Variants in GRIN2B observed in about 807,000 individuals in gnomAD.
GRIN2B encodes glutamate ionotropic receptor NMDA type subunit 2B.
GRIN2B carries 5 observed loss-of-function variants against 114.5 expected under a neutral mutation model. That is an observed-to-expected ratio of 0.04 (90% confidence interval 0.02 to 0.09). The LOEUF (loss-of-function observed/expected upper bound fraction) is 0.09. Ranked by LOEUF, GRIN2B falls within the 10% of genes least tolerant of loss-of-function variation. The probability of loss-of-function intolerance (pLI) is 1.00; values close to 1 mark genes in which losing one functional copy is unlikely to be tolerated. For synonymous variants in GRIN2B, 787 were observed against 745.1 expected (o/e 1.06, Z -0.92); for missense variants, 1,108 against 1,943.5 (o/e 0.57, Z 8.08).
chr12:13,867,479 A>G (rs762971517), intron 2 of GRIN2B, among the ~76,000 whole-genome samples: 5 of 152,176 alleles, frequency 3.3e-5, no homozygotes, highest in Non-Finnish European at 7.3e-5. Flanking sequence ...TGGCTACACT[A>G]AAAAGCCCAG....
At chr12:13,892,330 T>C (rs1301442682) in intron 2 of GRIN2B, among the ~76,000 whole-genome samples, 1 of 152,246 alleles carries the variant, frequency 6.6e-6, no homozygotes, top group Non-Finnish European at 1.5e-5. Context: ...ATTTTATGCT[T>C]ATATGTCAAA....
upstream of GRIN2B, chr12:13,982,020 A>ACCCCC (rs1371609379): frequency 6.8e-6 from 1 of 147,234 alleles, no homozygotes; most frequent in Admixed American, 6.7e-5. Context: ...CTTTCTCCAC[A>ACCCCC]CCCCCCACCC....
At chr12:13,955,794 G>C (rs762291784) in intron 2 of GRIN2B, among the ~76,000 whole-genome samples, 11 of 152,112 alleles carry the variant, frequency 7.2e-5, no homozygotes, top group African/African-American at 1.2e-4. Context: ...AAGACACAAA[G>C]AGCCATCCCA....
intron 2 of GRIN2B, among the ~76,000 whole-genome samples, chr12:13,918,773 G>A (rs1485988951): frequency 6.6e-6 from 1 of 152,202 alleles, no homozygotes; most frequent in African/African-American, 2.4e-5. Context: ...TTTTTATACA[G>A]TAGTTGTAGT....
intron 3 of GRIN2B, among the ~76,000 whole-genome samples, chr12:13,772,340 C>T (rs1286065974): frequency 1.3e-5 from 2 of 152,146 alleles, no homozygotes; most frequent in African/African-American, 2.4e-5. Flanking sequence ...TAGGCTTGTC[C>T]ACTCTGAGTT....
At position 13,564,001 on chromosome 12, in the gene GRIN2B, C is replaced by G. The variant is rs370532796; in HGVS notation, c.3237G>C (p.Lys1079Asn). ...TGTCCTTATATTGCTGCTTACGCCTCTTGGCGGCATTGCCCTCGATGTTCC... is the reference window on the plus strand; with the variant it reads ...TGTCCTTATATTGCTGCTTACGCCTGTTGGCGGCATTGCCCTCGATGTTCC... Reference protein sequence around the residue: ...TYGNIEGNAAKRRKQQYKDSL... With the variant: ...TYGNIEGNAANRRKQQYKDSL... Residue 1079 changes from lysine to asparagine, a missense_variant, in exon 14 of 14, where the codon AAG becomes AAC. Coordinates refer to ENST00000609686, the MANE Select transcript of GRIN2B (RefSeq NM_000834.5). The surrounding 1 kb of genome is among the most constrained non-coding windows in gnomAD (Gnocchi z 4.8). 1.9e-6 allele frequency: 3 copies of G among 1,614,248 alleles called. No homozygotes were observed. The highest frequency in any genetic ancestry group is 2.5e-6 in the Non-Finnish European group (3 of 1,180,044).
At chr12:13,657,494 A>C (rs1471057725) in intron 5 of GRIN2B, among the ~76,000 whole-genome samples, 1 of 152,222 alleles carries the variant, frequency 6.6e-6, no homozygotes, top group African/African-American at 2.4e-5. Flanking sequence ...CGATATGGGA[A>C]GAGCCAACAC....
intron 4 of GRIN2B, among the ~76,000 whole-genome samples, chr12:13,742,597 A>G (rs1037473825): frequency 6.6e-6 from 1 of 152,020 alleles, no homozygotes; most frequent in African/African-American, 2.4e-5. Context: ...CACCTGGTTA[A>G]TTTTTGTATT....
chr12:13,741,353 A>T (rs563835256), intron 4 of GRIN2B, among the ~76,000 whole-genome samples: 132 of 152,054 alleles, frequency 8.7e-4, no homozygotes, highest in East Asian at 3.5e-3. Context: ...TTACCAAACC[A>T]CCCTGTCCCA....
chr12:13,681,552 G>A (rs1401210887), intron 4 of GRIN2B, among the ~76,000 whole-genome samples: 2 of 152,118 alleles, frequency 1.3e-5, no homozygotes, highest in African/African-American at 4.8e-5. Context: ...TTTGTATCAT[G>A]CATGTGTCAC....
At chr12:13,586,419 T>C (rs1042352193) in intron 10 of GRIN2B, among the ~76,000 whole-genome samples, 1 of 152,230 alleles carries the variant, frequency 6.6e-6, no homozygotes, top group Non-Finnish European at 1.5e-5. Flanking sequence ...ACAGAAGCGA[T>C]ATTTTCCTAT....
At chr12:13,957,809 T>G (rs1867618143) in intron 2 of GRIN2B, among the ~76,000 whole-genome samples, 1 of 152,168 alleles carries the variant, frequency 6.6e-6, no homozygotes, top group Non-Finnish European at 1.5e-5. Flanking sequence ...ATTCTGAATC[T>G]TCGTGGTTTA....
chr12:13,875,049 CT>C (rs1865973453), intron 2 of GRIN2B, among the ~76,000 whole-genome samples: 1 of 152,162 alleles, frequency 6.6e-6, no homozygotes, highest in Non-Finnish European at 1.5e-5. Flanking sequence ...ATTAGCTATT[CT>C]TCCTGATGCT....
chr12:13,708,156 C>A (rs531600870), intron 4 of GRIN2B, among the ~76,000 whole-genome samples: 2 of 152,190 alleles, frequency 1.3e-5, no homozygotes, highest in African/African-American at 4.8e-5. Flanking sequence ...TTTACCACTT[C>A]CCAATAGAAG....
At chr12:13,608,931 A>G (rs1180117522) in intron 9 of GRIN2B, 99 bp from the exon 10 acceptor site, 2 of 852,348 alleles carry the variant, frequency 2.3e-6, no homozygotes, top group East Asian at 5.0e-5. Context: ...AGAGCAGGAA[A>G]CCCTTCCGCT....
chr12:13,798,688 T>C (rs565376562), intron 3 of GRIN2B, among the ~76,000 whole-genome samples: 1 of 152,348 alleles, frequency 6.6e-6, no homozygotes, highest in African/African-American at 2.4e-5. Context: ...TTAAAATACT[T>C]CTTTACACTC....
intron 2 of GRIN2B, among the ~76,000 whole-genome samples, chr12:13,897,990 T>TAATAAATAAATA (rs58807255): frequency 0.011 from 1,648 of 144,656 alleles, 22 homozygotes; most frequent in East Asian, 0.042. Flanking sequence ...TAAAGTATAA[T>TAATAAATAAATA]AATAAATAAA....
At chr12:13,618,150 T>G (rs1054352629) in intron 5 of GRIN2B, among the ~76,000 whole-genome samples, 1 of 152,234 alleles carries the variant, frequency 6.6e-6, no homozygotes, top group Non-Finnish European at 1.5e-5. Flanking sequence ...CTCATATTGC[T>G]AAGACTACTT....
chr12:13,937,675 T>C (rs757452214), intron 2 of GRIN2B, among the ~76,000 whole-genome samples: 1 of 152,028 alleles, frequency 6.6e-6, no homozygotes, highest in African/African-American at 2.4e-5. Flanking sequence ...GTACTGAAAA[T>C]GGAAAATAAA....
Sources: gnomAD v4.1 joint callset for allele counts (sites outside exome capture counted in the v4.1 genomes callset) on GRCh38, gnomAD v4.1.1 for gene constraint, Gnocchi (gnomAD v3.1) non-coding constraint, MANE v1.5 for transcripts, NCBI Gene and HGNC (gene_info 2026-07-23, HGNC 2026-07-21) for gene names.